JAML: variants seen among roughly 807,000 people sequenced by gnomAD.
JAML encodes junction adhesion molecule like.
A neutral mutation model predicts 39.3 loss-of-function variants in JAML; 25 were observed. The ratio of observed to expected loss-of-function variants is 0.64; its 90% CI spans 0.46 to 0.89. The LOEUF (loss-of-function observed/expected upper bound fraction) is 0.89, where lower values mean the gene tolerates loss of function less well. Among genes scored for constraint, JAML ranks in the 40% least tolerant of loss-of-function variants. The pLI, the probability that JAML is intolerant of heterozygous loss-of-function variation, is 0.00. For missense variants in JAML, 440 were observed against 486.9 expected (o/e 0.90, Z 0.91); for synonymous variants, 162 against 179.2 (o/e 0.90, Z 0.77).
intron 7 of JAML, among the ~76,000 whole-genome samples, chr11:118,198,569 C>T (rs1307808053): frequency 6.6e-6 from 1 of 151,880 alleles, no homozygotes; most frequent in African/African-American, 2.4e-5. Context: ...AAGCCCCAAG[C>T]AGGAGCTCTG....
At chr11:118,198,588 C>G (rs1262133715) in intron 7 of JAML, among the ~76,000 whole-genome samples, 1 of 151,680 alleles carries the variant, frequency 6.6e-6, no homozygotes, top group East Asian at 1.9e-4. Flanking sequence ...TGCGCCTGCC[C>G]TGTCGGGGTC....
At chr11:118,206,025 A>C in intron 4 of JAML, 34 bp from the exon 5 acceptor site, 2 of 1,550,196 alleles carry the variant, frequency 1.3e-6, no homozygotes, top group Non-Finnish European at 1.8e-6. Flanking sequence ...GTCAGACTCA[A>C]GTTATAATCT....
intron 4 of JAML, chr11:118,209,148 TA>T: frequency 3.0e-6 from 1 of 327,882 alleles, no homozygotes; most frequent in Admixed American, 3.0e-5. Flanking sequence ...TCTGGAAGCA[TA>T]ATGCCTCCTT....
chr11:118,216,635 A>G (rs1454205318), intron 1 of JAML, among the ~76,000 whole-genome samples: 1 of 152,184 alleles, frequency 6.6e-6, no homozygotes, highest in East Asian at 1.9e-4. Context: ...TATATAGATA[A>G]GAGTCAGAAA....
intron 9 of JAML, among the ~76,000 whole-genome samples, chr11:118,194,753 C>T (rs893353567): frequency 3.3e-5 from 5 of 152,202 alleles, no homozygotes; most frequent in African/African-American, 1.2e-4. Context: ...GGTGCCACTA[C>T]ATTTACATGA....
At chr11:118,196,706 G>T in intron 9 of JAML, 29 bp downstream of exon 9, 14 of 1,580,228 alleles carry the variant, frequency 8.9e-6, no homozygotes, top group Non-Finnish European at 1.2e-5. Flanking sequence ...TCTGACACCT[G>T]GCTCAGCTGA....
At chr11:118,211,175 C>CAGCAGTATCG (rs1949052573) in intron 3 of JAML, among the ~76,000 whole-genome samples, 1 of 152,210 alleles carries the variant, frequency 6.6e-6, no homozygotes, top group African/African-American at 2.4e-5. Context: ...CTCCTCCCGG[C>CAGCAGTATCG]AGCAGTATCG....
rs1949249043 is a variant in JAML, at chr11:118,225,003, A to T, written c.-83T>A. ...AATCTCCCCACAGCTGCAGTCCCCA[A>T]GCTCAACTGAAAGACTGCTGCGAGC... On this transcript the variant is annotated 5_prime_UTR_variant, in exon 1 of 10. It adds an upstream start codon to the 5' untranslated region. Coordinates refer to ENST00000356289, the MANE Select transcript of JAML (RefSeq NM_001098526.2). 1 of 152,256 alleles carries T rather than the reference A, an allele frequency of 6.6e-6. No homozygotes were observed. The highest frequency in any genetic ancestry group is 1.5e-5 in the Non-Finnish European group (1 of 68,064). 9.4% of individuals were successfully genotyped at this position (152,256 alleles called of 1,614,324 possible). A position where few individuals can be genotyped will look rare whatever the true frequency, so the allele number is the denominator to read the frequency against.
intron 2 of JAML, 26 bp from the exon 3 acceptor site, chr11:118,212,587 A>G: frequency 6.2e-7 from 1 of 1,611,490 alleles, no homozygotes; most frequent in Non-Finnish European, 8.5e-7. Context: ...GCAAGAGGAC[A>G]CATCATTTAG....
intron 6 of JAML, chr11:118,200,859 A>G (rs1257051843): frequency 2.6e-6 from 1 of 392,044 alleles, no homozygotes; most frequent in African/African-American, 2.0e-5. Flanking sequence ...CCTCTAGTAA[A>G]GTTTCCTTTC....
intron 1 of JAML, among the ~76,000 whole-genome samples, chr11:118,217,105 T>C (rs1270325128): frequency 6.6e-6 from 1 of 152,224 alleles, no homozygotes; most frequent in East Asian, 1.9e-4. Context: ...TTTATATGTC[T>C]GCCACCAACT....
chr11:118,195,102 C>A (rs372109749), intron 9 of JAML, among the ~76,000 whole-genome samples: 2 of 152,190 alleles, frequency 1.3e-5, no homozygotes, highest in African/African-American at 4.8e-5. Context: ...ACCTCGGAGA[C>A]GTTCTGCAAA....
At chr11:118,200,401 C>T (rs139352799) in intron 7 of JAML, 73 bp downstream of exon 7, 2 of 1,557,526 alleles carry the variant, frequency 1.3e-6, no homozygotes, top group African/African-American at 2.7e-5. Flanking sequence ...CCCTATCACC[C>T]TGTTCTACTT....
chr11:118,216,633 TAA>T (rs943605173), intron 1 of JAML, among the ~76,000 whole-genome samples: 1 of 152,184 alleles, frequency 6.6e-6, no homozygotes, highest in African/African-American at 2.4e-5. Flanking sequence ...TTTATATAGA[TAA>T]GAGTCAGAAA....
rs1285735355 is a variant in JAML, at chr11:118,205,913, A to G, written c.503T>C (p.Val168Ala). The change falls in exon 5 of 10, where the codon GTA (valine) becomes GCA (alanine). Residue 168 changes from valine to alanine, a missense_variant. Coordinates refer to ENST00000356289, the MANE Select transcript of JAML (RefSeq NM_001098526.2). ...QSTEVKHVTK[V>A]EWIFSGRRAK... ...GCGCCGTCCTGAAAATATCCATTCTACCTTGGTCACGTGTTTCACTTCTGT... is the reference window on the plus strand; with the variant it reads ...GCGCCGTCCTGAAAATATCCATTCTGCCTTGGTCACGTGTTTCACTTCTGT... 1 of 1,613,846 alleles carries G rather than the reference A, an allele frequency of 6.2e-7. No individual in the cohort carries two copies. Among genetic ancestry groups the G allele is most frequent in the Non-Finnish European group, 8.5e-7 (1 of 1,179,940 alleles).
intron 6 of JAML, chr11:118,202,479 CA>C (rs1228983400): frequency 6.2e-6 from 1 of 161,502 alleles, no homozygotes; most frequent in Non-Finnish European, 1.4e-5. Flanking sequence ...CACCTGGGCA[CA>C]GGGGGCCAGA....
intron 4 of JAML, among the ~76,000 whole-genome samples, chr11:118,207,773 C>G (rs1948948399): frequency 6.6e-6 from 1 of 152,152 alleles, no homozygotes; most frequent in Non-Finnish European, 1.5e-5. Flanking sequence ...GCTTGCTCCA[C>G]TAGCCACTGG....
rs1258847011 is a variant in JAML at position 118,211,144 on chromosome 11, G to A, written c.199-432C>T. Among the ~76,000 whole-genome samples the A allele has an allele frequency of 3.3e-5, 5 of 152,350 alleles. No homozygotes were observed. In the East Asian group the frequency reaches 9.6e-4, roughly 29 times the overall value. On this transcript the variant is annotated intron_variant, in intron 3 of 9. Coordinates refer to ENST00000356289, the MANE Select transcript of JAML (RefSeq NM_001098526.2). ...GAATTCCAGGCATGGCCGGCTGGCT[G>A]CCACTTTTCTCATTTCTACCCTCCT...
At chr11:118,209,787 C>A (rs1949006885) in intron 4 of JAML, among the ~76,000 whole-genome samples, 1 of 152,148 alleles carries the variant, frequency 6.6e-6, no homozygotes, top group Non-Finnish European at 1.5e-5. Flanking sequence ...GATCCTCCCA[C>A]CTCGGGCTCC....
Sources: allele counts gnomAD v4.1 joint callset (sites outside exome capture counted in the v4.1 genomes callset), GRCh38; gene constraint gnomAD v4.1.1; transcripts MANE v1.5; gene names NCBI Gene and HGNC (gene_info 2026-07-23, HGNC 2026-07-21).